LSM7: variants seen among roughly 807,000 people sequenced by gnomAD.
LSM7 encodes the protein U6 snRNA-associated Sm-like protein LSm7.
A neutral mutation model predicts 14.1 loss-of-function variants in LSM7; 13 were observed. The observed-to-expected ratio is 0.92, with a 90% confidence interval of 0.60 to 1.47. The LOEUF is 1.47. Ranked by LOEUF, LSM7 falls within the 40% of genes most tolerant of loss-of-function variation. The probability of loss-of-function intolerance (pLI) is 0.00; values close to 1 mark genes in which losing one functional copy is unlikely to be tolerated. For missense variants in LSM7, 108 were observed against 140.8 expected (o/e 0.77, Z 1.18); for synonymous variants, 70 against 57.1 (o/e 1.23, Z -1.02).
In LSM7 at chr19:2,324,130, A is replaced by G. The variant is rs760032057; in HGVS notation, c.164T>C (p.Met55Thr). 2.1e-6 allele frequency: 3 copies of G among 1,450,946 alleles called. No homozygotes were observed. In the South Asian group the frequency reaches 3.6e-5, roughly 17 times the overall value. 89.9% of individuals were successfully genotyped at this position (1,450,946 alleles called of 1,614,324 possible). A position where few individuals can be genotyped will look rare whatever the true frequency, so the allele number is the denominator to read the frequency against. ...TCGGCCGCCACCCCACTCACCTCGC[A>G]TGTACTCAATGGTGCCGTCCAGCAC... ...NLVLDGTIEY[M>T]RDPDDQYKLT... The change falls in exon 3 of 4, where the codon ATG (methionine) becomes ACG (threonine). Residue 55 changes from methionine to threonine, a missense_variant. Coordinates refer to ENST00000252622, the MANE Select transcript of LSM7 (RefSeq NM_016199.3).
intron 3 of LSM7, 45 bp downstream of exon 3, chr19:2,324,080 T>C (rs1417373606): frequency 9.5e-6 from 5 of 524,996 alleles, no homozygotes; most frequent in African/African-American, 3.8e-5. Context: ...CTCACCCCAC[T>C]ATCCCCCTCG....
chr19:2,326,615 C>G (rs10419439), intron 2 of LSM7, among the ~76,000 whole-genome samples: 1 of 152,166 alleles, frequency 6.6e-6, no homozygotes, highest in Non-Finnish European at 1.5e-5. Flanking sequence ...GGATTACAGG[C>G]GTGAGCCACA....
chr19:2,328,260 A>G, intron 2 of LSM7, 127 bp downstream of exon 2: 3 of 815,922 alleles, frequency 3.7e-6, no homozygotes, highest in Non-Finnish European at 5.6e-6. Context: ...ACAGAGCGAG[A>G]CTGCGTCTCA....
At chr19:2,327,857 G>C (rs4806838) in intron 2 of LSM7, 28,357 of 152,998 alleles carry the variant, frequency 0.19, 2,738 homozygotes, top group East Asian at 0.24. Flanking sequence ...TTCCTGCTGA[G>C]AGCTGCCTCA....
At chr19:2,323,527 T>C (rs766009199) in intron 3 of LSM7, among the ~76,000 whole-genome samples, 4 of 152,140 alleles carry the variant, frequency 2.6e-5, no homozygotes, top group Non-Finnish European at 2.9e-5. Flanking sequence ...CTCGGCTCAC[T>C]GCAACCTCCG....
chr19:2,328,275 A>T (rs1968081162), intron 2 of LSM7, 112 bp downstream of exon 2: 3 of 965,682 alleles, frequency 3.1e-6, no homozygotes, highest in Non-Finnish European at 4.6e-6. Context: ...GTCTCAAAAA[A>T]AATAATGAAA....
rs1043662614 is a variant in LSM7 at position 2,321,968 on chromosome 19, T to C, written c.170-146A>G. 2.2e-5 allele frequency: 16 copies of C among 711,820 alleles called. No individual in the cohort carries two copies. In the African/African-American group the frequency reaches 2.6e-4, roughly 12 times the overall value. The allele number at this position is 711,820 out of a possible 1,614,324, so 44.1% of individuals were successfully genotyped here. On this transcript the variant is annotated intron_variant, in intron 3 of 3. Transcript: ENST00000252622. The surrounding 1 kb of genome is among the most constrained non-coding windows in gnomAD (Gnocchi z 5.0). ...GGGACCTCAGACGGGATGCGCTCTG[T>C]GGGGCAGGTCCCCGGCTCCCACGGC...
intron 3 of LSM7, 61 bp downstream of exon 3, chr19:2,324,053 CTCGTCCCGCTG>C: frequency 1.1e-6 from 1 of 947,256 alleles, no homozygotes; most frequent in Non-Finnish European, 1.5e-6. Context: ...CACTGCCCCC[CTCGTCCCGCTG>C]CCCCCCTCAC....
At position 2,324,689 on chromosome 19, in the gene LSM7, G is replaced by A. The variant is rs568057034; in HGVS notation, c.98-493C>T. ...TGTACGCGGTGGGACCACCAGCCAG[G>A]AAGAGGAGCGAGGCTGGCGCAGGCC... On this transcript the variant is annotated intron_variant, in intron 2 of 3. Transcript: ENST00000252622. The A allele has an allele frequency of 4.2e-5, 7 of 168,548 alleles. 1 individual carries two copies. The highest frequency in any genetic ancestry group is 1.7e-4 in the African/African-American group (7 of 42,188). The allele number at this position is 168,548 out of a possible 1,614,324, so 10.4% of individuals were successfully genotyped here. A position where few individuals can be genotyped will look rare whatever the true frequency, so the allele number is the denominator to read the frequency against.
intron 2 of LSM7, 49 bp downstream of exon 2, chr19:2,328,338 T>C (rs775532123): frequency 4.7e-6 from 7 of 1,500,626 alleles, no homozygotes; most frequent in Non-Finnish European, 6.5e-6. Context: ...GTTGCTGGGT[T>C]TATTTGAAAT....
At chr19:2,322,603 G>A (rs1026094970) in intron 3 of LSM7, among the ~76,000 whole-genome samples, 2 of 152,154 alleles carry the variant, frequency 1.3e-5, no homozygotes, top group Non-Finnish European at 2.9e-5. Context: ...TGGCACCCCA[G>A]GGAAGTGCCA....
At chr19:2,323,109 G>A (rs772146248) in intron 3 of LSM7, among the ~76,000 whole-genome samples, 6 of 152,166 alleles carry the variant, frequency 3.9e-5, no homozygotes, top group Non-Finnish European at 7.3e-5. Flanking sequence ...CCCGGGCCGG[G>A]ATGGGGACTT....
intron 2 of LSM7, chr19:2,327,947 G>C (rs1968069987): frequency 6.1e-6 from 1 of 164,484 alleles, no homozygotes; most frequent in African/African-American, 2.4e-5. Flanking sequence ...TTTGACAAAT[G>C]AGGAAACGGA....
chr19:2,328,224 C>A (rs1968079078), intron 2 of LSM7, 163 bp downstream of exon 2: 1 of 621,604 alleles, frequency 1.6e-6, no homozygotes, highest in Non-Finnish European at 2.7e-6. Flanking sequence ...GAGCTGAGAT[C>A]GCACCACTGC....
intron 3 of LSM7, among the ~76,000 whole-genome samples, chr19:2,322,473 G>A (rs1183410956): frequency 2.0e-5 from 3 of 152,132 alleles, no homozygotes; most frequent in African/African-American, 4.8e-5. Context: ...CCCAGGAGGC[G>A]GAGCTTGCAG....
rs1261872471 is a variant in LSM7 at position 2,324,286 on chromosome 19, T to C, written c.98-90A>G. On this transcript the variant is annotated intron_variant, in intron 2 of 3. Transcript: ENST00000252622. ...CCCCAGCATGGCCCAGGTATGGGGCTAACTGCTCCAGGGATGGAGGACTGA... is the reference window on the plus strand; with the variant it reads ...CCCCAGCATGGCCCAGGTATGGGGCCAACTGCTCCAGGGATGGAGGACTGA... 6.0e-6 allele frequency: 6 copies of C among 1,006,114 alleles called. No homozygotes were observed. In the South Asian group the frequency reaches 8.2e-5, roughly 14 times the overall value. The allele number at this position is 1,006,114 out of a possible 1,614,324, so 62.3% of individuals were successfully genotyped here.
chr19:2,324,393 G>T, intron 2 of LSM7, 197 bp from the exon 3 acceptor site: 1 of 573,834 alleles, frequency 1.7e-6, no homozygotes, highest in Admixed American at 2.9e-5. Flanking sequence ...CCACGTCTGC[G>T]GGGGGCCAGA....
chr19:2,327,575 T>A (rs1463531202), intron 2 of LSM7, among the ~76,000 whole-genome samples: 1 of 151,058 alleles, frequency 6.6e-6, no homozygotes, highest in Non-Finnish European at 1.5e-5. Flanking sequence ...CCTTGCTCTG[T>A]GGCCCAGGCT....
intron 2 of LSM7, chr19:2,324,727 C>T (rs1176523872): frequency 3.8e-5 from 6 of 158,344 alleles, no homozygotes; most frequent in African/African-American, 9.6e-5. Context: ...AGCGCGGATG[C>T]GCCTGAGGAC....
Sources: allele counts gnomAD v4.1 joint callset (sites outside exome capture counted in the v4.1 genomes callset), GRCh38; gene constraint gnomAD v4.1.1; non-coding constraint Gnocchi (gnomAD v3.1); transcripts MANE v1.5; gene names NCBI Gene and HGNC (gene_info 2026-07-23, HGNC 2026-07-21).